ENTPD1: variants seen among roughly 807,000 people sequenced by gnomAD.
ENTPD1 encodes the protein ectonucleoside triphosphate diphosphohydrolase 1.
In ENTPD1, 33 loss-of-function variants were observed where a neutral mutation model predicts 57.0. That is an observed-to-expected ratio of 0.58 (90% confidence interval 0.44 to 0.77). The LOEUF (loss-of-function observed/expected upper bound fraction) is 0.77. ENTPD1 is among the 30% of genes least tolerant of loss of function. The probability of loss-of-function intolerance (pLI) is 0.00; values close to 1 mark genes in which losing one functional copy is unlikely to be tolerated. For synonymous variants in ENTPD1, 202 were observed against 218.8 expected (o/e 0.92, Z 0.68); for missense variants, 501 against 603.4 (o/e 0.83, Z 1.78).
chr10:95,734,062 T>C (rs2097991953), intron 1 of ENTPD1, among the ~76,000 whole-genome samples: 1 of 152,088 alleles, frequency 6.6e-6, no homozygotes, highest in African/African-American at 2.4e-5. Flanking sequence ...GATGCTCCAC[T>C]CCAAGCACCA....
intron 1 of ENTPD1, among the ~76,000 whole-genome samples, chr10:95,781,762 A>G (rs895478322): frequency 6.6e-6 from 1 of 152,202 alleles, no homozygotes; most frequent in Non-Finnish European, 1.5e-5. Context: ...GATTTAGCCA[A>G]GGAGGTTTGC....
intron 7 of ENTPD1, among the ~76,000 whole-genome samples, chr10:95,852,887 T>G (rs1233505121): frequency 6.6e-6 from 1 of 152,246 alleles, no homozygotes; most frequent in Non-Finnish European, 1.5e-5. Context: ...TTTGTTCTTT[T>G]GGCTTAGGAT....
At chr10:95,755,280 C>A (rs145792943), upstream of ENTPD1, 1 of 178,602 alleles carries the variant, frequency 5.6e-6, no homozygotes, top group Non-Finnish European at 1.2e-5. Flanking sequence ...TCTGAGGTAT[C>A]TTTCAGACCT....
At chr10:95,826,113 T>C (rs2098375245) in intron 2 of ENTPD1, among the ~76,000 whole-genome samples, 1 of 152,196 alleles carries the variant, frequency 6.6e-6, no homozygotes, top group African/African-American at 2.4e-5. Context: ...GAGCTTACCA[T>C]CTGGGGAAGC....
intron 2 of ENTPD1, among the ~76,000 whole-genome samples, chr10:95,834,141 C>T (rs1481811411): frequency 6.6e-6 from 1 of 152,134 alleles, no homozygotes; most frequent in Non-Finnish European, 1.5e-5. Flanking sequence ...AGGAACCATC[C>T]AGTTCCAACC....
intron 1 of ENTPD1, among the ~76,000 whole-genome samples, chr10:95,800,560 C>T (rs972979672): frequency 1.9e-4 from 29 of 152,072 alleles, no homozygotes; most frequent in African/African-American, 6.3e-4. Context: ...GAGACCAGGG[C>T]GTATTTCAGT....
intron 2 of ENTPD1, among the ~76,000 whole-genome samples, chr10:95,824,256 T>A (rs2098365354): frequency 6.6e-6 from 1 of 152,202 alleles, no homozygotes; most frequent in Admixed American, 6.5e-5. Flanking sequence ...TGGGCAGTAA[T>A]ATATCTAGAA....
the ENTPD1 span, among the ~76,000 whole-genome samples, chr10:95,702,060 G>A: frequency 6.6e-6 from 1 of 151,716 alleles, no homozygotes; most frequent in Non-Finnish European, 1.5e-5. Flanking sequence ...AAAGATAATA[G>A]AGGAAATTAA....
intron 7 of ENTPD1, among the ~76,000 whole-genome samples, chr10:95,852,268 G>A (rs563488628): frequency 8.5e-5 from 13 of 152,306 alleles, no homozygotes; most frequent in African/African-American, 2.9e-4. Context: ...CCCACTTTGT[G>A]ATGGGGTTGT....
chr10:95,822,092 TG>T (rs1566195659), intron 1 of ENTPD1, among the ~76,000 whole-genome samples: 1 of 141,842 alleles, frequency 7.1e-6, no homozygotes, highest in Non-Finnish European at 1.5e-5. Context: ...CTCTGCCTCC[TG>T]GGTTCAAGTG....
intron 1 of ENTPD1, among the ~76,000 whole-genome samples, chr10:95,776,554 C>G (rs921132472): frequency 6.6e-6 from 1 of 152,190 alleles, no homozygotes; most frequent in Non-Finnish European, 1.5e-5. Flanking sequence ...CGACCTTTCT[C>G]TCTGGTTGCC....
chr10:95,821,773 C>G (rs1343295995), intron 1 of ENTPD1, among the ~76,000 whole-genome samples: 1 of 152,060 alleles, frequency 6.6e-6, no homozygotes, highest in Admixed American at 6.5e-5. Flanking sequence ...GAGACCCATA[C>G]CTTAATCCAA....
Position 95,869,321 on chromosome 10 carries a change from C to T in ENTPD1, c.*2938C>T. On this transcript the variant is annotated 3_prime_UTR_variant, in exon 10 of 10. Transcript: ENST00000371205. ...CTGGAGTGCAGTGGTGCTATCTCGG[C>T]TCACTGCAACCTCCGCCTCCTGGGT... The T allele has an allele frequency of 1.1e-6, 1 of 891,318 alleles. No homozygotes were observed. The highest frequency in any genetic ancestry group is 1.3e-6 in the Non-Finnish European group (1 of 752,320). 55.2% of individuals were successfully genotyped at this position (891,318 alleles called of 1,614,324 possible). A position where few individuals can be genotyped will look rare whatever the true frequency, so the allele number is the denominator to read the frequency against.
In ENTPD1 at chr10:95,871,865, T is replaced by A. The variant is rs2098480845; in HGVS notation, c.*5482T>A. 1.0e-6 allele frequency: 1 copy of A among 985,240 alleles called. No homozygotes were observed. The highest frequency in any genetic ancestry group is 1.7e-5 in the African/African-American group (1 of 57,222). 61.0% of individuals were successfully genotyped at this position (985,240 alleles called of 1,614,324 possible). On this transcript the variant is annotated 3_prime_UTR_variant, in exon 10 of 10. Coordinates refer to ENST00000371205, the MANE Select transcript of ENTPD1 (RefSeq NM_001776.6). Reference sequence around the variant, plus strand: ...AGATACTCTCATCTAAGAAATAACATCACCTCTTCTAATGAAGTTCTAAGA... The same window carrying A: ...AGATACTCTCATCTAAGAAATAACAACACCTCTTCTAATGAAGTTCTAAGA...
At chr10:95,807,536 A>G (rs1008218005) in intron 1 of ENTPD1, among the ~76,000 whole-genome samples, 4 of 152,170 alleles carry the variant, frequency 2.6e-5, no homozygotes, top group Admixed American at 6.5e-5. Flanking sequence ...ACCAGTTCCA[A>G]TGAGTTGAAC....
In ENTPD1 at chr10:95,872,725, C is replaced by A. The variant is rs1200673048; in HGVS notation, c.*6342C>A. On this transcript the variant is annotated 3_prime_UTR_variant, in exon 10 of 10. Coordinates refer to ENST00000371205, the MANE Select transcript of ENTPD1 (RefSeq NM_001776.6). The stretch of plus-strand genomic sequence containing the variant: ...GCCAACCTCCCTGTCCACTGCCAGG[C>A]CGACTACAAACCCTTCTGTTGCTGG... 1.0e-6 allele frequency: 1 copy of A among 985,326 alleles called. No homozygotes were observed. 61.0% of individuals were successfully genotyped at this position (985,326 alleles called of 1,614,324 possible).
In ENTPD1 at chr10:95,867,089, T is replaced by C. The variant is rs1448337348; in HGVS notation, c.*706T>C. On this transcript the variant is annotated 3_prime_UTR_variant, in exon 10 of 10. Transcript: ENST00000371205. ...GAGATTTGCAAAAAGCAGATGTAAA[T>C]ATATGCATTCAAACATCAGGGCTTA... 3.0e-6 allele frequency: 3 copies of C among 986,704 alleles called. No individual in the cohort carries two copies. In the Admixed American group the frequency reaches 1.8e-4, roughly 60 times the overall value. The allele number at this position is 986,704 out of a possible 1,614,324, so 61.1% of individuals were successfully genotyped here.
At chr10:95,749,805 G>A (rs1007747453) in intron 1 of ENTPD1, among the ~76,000 whole-genome samples, 1 of 152,184 alleles carries the variant, frequency 6.6e-6, no homozygotes, top group African/African-American at 2.4e-5. Flanking sequence ...CTTGGGGTGA[G>A]ATGGAGCCTT....
intron 1 of ENTPD1, among the ~76,000 whole-genome samples, chr10:95,820,858 T>C (rs542169932): frequency 6.6e-6 from 1 of 152,374 alleles, no homozygotes; most frequent in Admixed American, 6.5e-5. Context: ...CTTATCAGTT[T>C]TTCTTTTTTT....
Sources: gnomAD v4.1 joint callset for allele counts (sites outside exome capture counted in the v4.1 genomes callset) on GRCh38, gnomAD v4.1.1 for gene constraint, MANE v1.5 for transcripts, NCBI Gene and HGNC (gene_info 2026-07-23, HGNC 2026-07-21) for gene names.